The following DNM3 variants were observed in gnomAD, a reference collection of about 807,000 sequenced individuals.
DNM3 encodes dynamin-3.
In DNM3, 47 loss-of-function variants were observed where a neutral mutation model predicts 101.6. The observed-to-expected ratio is 0.46, with a 90% CI of 0.37 to 0.59. The LOEUF is 0.59. Among genes scored for constraint, DNM3 ranks in the 20% least tolerant of loss-of-function variants. DNM3 has a pLI of 0.00. For missense variants in DNM3, 849 were observed against 1,085.7 expected, an observed-to-expected ratio of 0.78 and a Z score of 3.06; for synonymous variants, 385 against 387.9, an observed-to-expected ratio of 0.99 and a Z score of 0.09.
chr1:171,914,244 G>A (rs1571582412), intron 1 of DNM3, among the ~76,000 whole-genome samples: 3 of 151,546 alleles, frequency 2.0e-5, no homozygotes, highest in South Asian at 4.2e-4. Context: ...CGCAACCTCC[G>A]CCTCCTGGGT....
At chr1:172,335,169 A>G (rs2066363676) in intron 17 of DNM3, among the ~76,000 whole-genome samples, 1 of 152,184 alleles carries the variant, frequency 6.6e-6, no homozygotes, top group Non-Finnish European at 1.5e-5. Flanking sequence ...TCTGCCAATC[A>G]AGATTTTTTT....
downstream of DNM3, among the ~76,000 whole-genome samples, chr1:172,412,932 A>G (rs1036126843): frequency 2.6e-5 from 4 of 152,204 alleles, no homozygotes; most frequent in Non-Finnish European, 5.9e-5. Context: ...AGTGGGAGAC[A>G]TTGTGTTTCT....
At chr1:172,158,166 C>G (rs542670197) in intron 14 of DNM3, among the ~76,000 whole-genome samples, 1 of 151,970 alleles carries the variant, frequency 6.6e-6, no homozygotes, top group South Asian at 2.1e-4. Flanking sequence ...GAGGAAAGAG[C>G]CTTTCAAATG....
chr1:171,988,917 G>A, intron 3 of DNM3, 28 bp from the exon 4 acceptor site: 1 of 1,543,338 alleles, frequency 6.5e-7, no homozygotes, highest in Non-Finnish European at 8.8e-7. Context: ...GAAGGTGTAT[G>A]TAAGACTCCT....
chr1:172,242,643 A>G (rs1452283008), intron 14 of DNM3, among the ~76,000 whole-genome samples: 2 of 152,172 alleles, frequency 1.3e-5, no homozygotes, highest in African/African-American at 4.8e-5. Flanking sequence ...TGGTCTCACT[A>G]TCTTGCCCAG....
intron 2 of DNM3, among the ~76,000 whole-genome samples, chr1:171,975,574 C>A (rs924102248): frequency 6.6e-6 from 1 of 152,126 alleles, no homozygotes; most frequent in Non-Finnish European, 1.5e-5. Context: ...TCAGAGCAAG[C>A]ATCATGGGAA....
intron 17 of DNM3, among the ~76,000 whole-genome samples, chr1:172,337,402 C>T (rs1431912984): frequency 1.3e-5 from 2 of 152,134 alleles, no homozygotes; most frequent in African/African-American, 2.4e-5. Context: ...AGCAGTGCTT[C>T]CCAAAGTATG....
At chr1:171,937,431 C>T (rs2041512561) in intron 2 of DNM3, among the ~76,000 whole-genome samples, 1 of 152,128 alleles carries the variant, frequency 6.6e-6, no homozygotes, top group African/African-American at 2.4e-5. Context: ...TAGTTTAAAT[C>T]TCTTTAATAT....
chr1:172,358,582 C>T (rs774268238), intron 17 of DNM3, among the ~76,000 whole-genome samples: 3 of 152,016 alleles, frequency 2.0e-5, no homozygotes, highest in Non-Finnish European at 4.4e-5. Context: ...AGTCAGCTCC[C>T]TCCCCCACCA....
chr1:172,082,916 A>G (rs1002468134), intron 12 of DNM3, among the ~76,000 whole-genome samples: 3 of 152,224 alleles, frequency 2.0e-5, no homozygotes, highest in Admixed American at 6.5e-5. Flanking sequence ...TTTGCATCCA[A>G]TGACGATTAC....
At chr1:172,114,003 G>A (rs1446348651) in intron 13 of DNM3, among the ~76,000 whole-genome samples, 1 of 152,188 alleles carries the variant, frequency 6.6e-6, no homozygotes, top group African/African-American at 2.4e-5. Context: ...AAATAAGACA[G>A]ATTAAGTTCT....
chr1:171,926,579 G>T (rs970265337), intron 2 of DNM3, among the ~76,000 whole-genome samples: 6 of 152,124 alleles, frequency 3.9e-5, no homozygotes, highest in African/African-American at 7.2e-5. Context: ...TGATATTTAT[G>T]TCTATCCTTG....
chr1:172,205,496 T>C (rs889312935), intron 14 of DNM3, among the ~76,000 whole-genome samples: 1 of 152,278 alleles, frequency 6.6e-6, no homozygotes, highest in Middle Eastern at 3.4e-3. Context: ...TTAAGAAACA[T>C]GTATTAATAT....
At chr1:171,883,408 CA>C (rs1218967986) in intron 1 of DNM3, among the ~76,000 whole-genome samples, 5,045 of 106,338 alleles carry the variant, frequency 0.047, 287 homozygotes, top group African/African-American at 0.12. Context: ...CACACACACA[CA>C]CACACCCTGT....
At chr1:172,235,968 A>C (rs1393793998) in intron 14 of DNM3, among the ~76,000 whole-genome samples, 1 of 152,214 alleles carries the variant, frequency 6.6e-6, no homozygotes, top group Non-Finnish European at 1.5e-5. Context: ...CACGTTGTGC[A>C]CATGTACCCT....
At chr1:172,221,092 T>G (rs2060890189) in intron 14 of DNM3, among the ~76,000 whole-genome samples, 1 of 152,086 alleles carries the variant, frequency 6.6e-6, no homozygotes, top group African/African-American at 2.4e-5. Flanking sequence ...TTTCTCCTTA[T>G]AGGGACATAT....
At chr1:172,099,562 T>G in intron 13 of DNM3, among the ~76,000 whole-genome samples, 1 of 150,194 alleles carries the variant, frequency 6.7e-6, no homozygotes. Context: ...TCTGAGCTTG[T>G]GCCCAGGAAA....
intron 14 of DNM3, among the ~76,000 whole-genome samples, chr1:172,206,726 T>A (rs2060336093): frequency 6.6e-6 from 1 of 152,112 alleles, no homozygotes; most frequent in South Asian, 2.1e-4. Context: ...ATGGGCCTTT[T>A]ATCTGGGTAC....
intron 20 of DNM3, among the ~76,000 whole-genome samples, chr1:172,404,048 A>G (rs1206916525): frequency 1.3e-5 from 2 of 152,154 alleles, no homozygotes; most frequent in Non-Finnish European, 2.9e-5. Flanking sequence ...ACAGTTGTAT[A>G]TACAGATTTT....
Sources: allele counts gnomAD v4.1 joint callset (sites outside exome capture counted in the v4.1 genomes callset), GRCh38; gene constraint gnomAD v4.1.1; transcripts MANE v1.5; gene names NCBI Gene and HGNC (gene_info 2026-07-23, HGNC 2026-07-21).